Variants in LRRC19 observed in about 807,000 individuals in gnomAD.
LRRC19 encodes leucine rich repeat containing 19.
A neutral mutation model predicts 33.3 loss-of-function variants in LRRC19; 33 were observed. The ratio of observed to expected loss-of-function variants is 0.99; its 90% CI spans 0.75 to 1.33. The LOEUF (loss-of-function observed/expected upper bound fraction) is 1.33. Among genes scored for constraint, LRRC19 ranks in the 40% most tolerant of loss-of-function variants. The pLI, the probability that LRRC19 is intolerant of heterozygous loss-of-function variation, is 0.00. For missense variants in LRRC19, 463 were observed against 417.3 expected (o/e 1.11, Z -0.95); for synonymous variants, 184 against 152.3 (o/e 1.21, Z -1.53).
At chr9:27,000,841 T>C (rs924652881) in intron 1 of LRRC19, among the ~76,000 whole-genome samples, 1 of 152,156 alleles carries the variant, frequency 6.6e-6, no homozygotes, top group Non-Finnish European at 1.5e-5. Context: ...AAAATAAAAG[T>C]TGAAGGAAAA....
At position 26,999,664 on chromosome 9, in the gene LRRC19, A is replaced by C. The variant is rs1587322164; in HGVS notation, c.31T>G (p.Trp11Gly). The C allele has an allele frequency of 1.9e-5, 30 of 1,610,368 alleles. No homozygotes were observed. In the East Asian group the frequency reaches 6.7e-4, roughly 36 times the overall value. The change falls in exon 2 of 5, where the codon TGG (tryptophan) becomes GGG (glycine). Residue 11 changes from tryptophan to glycine, a missense_variant. Transcript: ENST00000380055. ...GATAATAATATCATGGAGAGGGGCC[A>C]AAAGAGGATTGTGATGCCTGTGACT... is the stretch of plus-strand genomic sequence containing the variant. MKVTGITILF[W>G]PLSMILLSDK...
intron 2 of LRRC19, among the ~76,000 whole-genome samples, chr9:26,999,309 A>T (rs986543038): frequency 4.5e-4 from 68 of 152,160 alleles, no homozygotes; most frequent in African/African-American, 1.4e-3. Context: ...AGTTTCTCTC[A>T]TAAATATGTG....
intron 2 of LRRC19, 118 bp downstream of exon 2, chr9:26,999,496 C>T (rs1828357618): frequency 1.4e-6 from 1 of 704,330 alleles, no homozygotes. Context: ...GCTAAATAAA[C>T]TCTTAATTTT....
Position 26,998,142 on chromosome 9 carries a change from G to T in LRRC19, c.181C>A (p.Leu61Ile). The change falls in exon 3 of 5, where the codon CTT (leucine) becomes ATT (isoleucine). Residue 61 changes from leucine to isoleucine, a missense_variant. Coordinates refer to ENST00000380055, the MANE Select transcript of LRRC19 (RefSeq NM_022901.3). ...ILDLSYNQIT[L>I]NGTDTRVLQT... ...AGAACTCTTGTGTCTGTACCATTAA[G>T]AGTAATTTGGTTATAACTGAGATCA... 6.2e-7 allele frequency: 1 copy of T among 1,609,890 alleles called. No homozygotes were observed. The highest frequency in any genetic ancestry group is 1.1e-5 in the South Asian group (1 of 90,482).
chr9:26,997,580 T>G (rs1345048325), intron 3 of LRRC19, 148 bp downstream of exon 3: 41 of 785,774 alleles, frequency 5.2e-5, no homozygotes, highest in Non-Finnish European at 7.7e-5. Flanking sequence ...GTGATCCCCC[T>G]GCCTTGGCCT....
At chr9:26,997,611 G>C in intron 3 of LRRC19, 117 bp downstream of exon 3, 1 of 1,097,372 alleles carries the variant, frequency 9.1e-7, no homozygotes, top group Non-Finnish European at 1.3e-6. Context: ...TGGGATTACA[G>C]GCATGAGCCA....
At chr9:27,002,593 T>C (rs368699232) in intron 1 of LRRC19, among the ~76,000 whole-genome samples, 3 of 152,208 alleles carry the variant, frequency 2.0e-5, no homozygotes, top group East Asian at 3.8e-4. Context: ...GAAGATGAGT[T>C]GATGTAAATG....
In LRRC19 at chr9:26,996,515, G is replaced by C. The variant is rs1355614684; in HGVS notation, c.596-16C>G. The C allele has an allele frequency of 3.6e-6, 5 of 1,403,482 alleles. No individual in the cohort carries two copies. The highest frequency in any genetic ancestry group is 3.8e-5 in the South Asian group (2 of 52,704). 86.9% of individuals were successfully genotyped at this position (1,403,482 alleles called of 1,614,324 possible). A position where few individuals can be genotyped will look rare whatever the true frequency, so the allele number is the denominator to read the frequency against. ...TTCTCATTTTCTAGTAAATCAGAAA[G>C]AATAAGATTTAGTATAGAGAAAAAT... On this transcript the variant is annotated splice_polypyrimidine_tract_variant and intron_variant, in intron 3 of 4. Coordinates refer to ENST00000380055, the MANE Select transcript of LRRC19 (RefSeq NM_022901.3).
chr9:26,997,365 A>C (rs1587316159), intron 3 of LRRC19, among the ~76,000 whole-genome samples: 1 of 117,550 alleles, frequency 8.5e-6, no homozygotes, highest in Admixed American at 1.2e-4. Context: ...ACAGAGTCTC[A>C]CTCTGTTGCC....
rs752426840 is a variant in LRRC19 at position 26,996,470 on chromosome 9, G to T, written c.625C>A (p.Pro209Thr). 4 of 1,520,326 alleles carry T rather than the reference G, an allele frequency of 2.6e-6. No individual in the cohort carries two copies. Among genetic ancestry groups the T allele is most frequent in the Non-Finnish European group, 3.6e-6 (4 of 1,124,844 alleles). The allele number at this position is 1,520,326 out of a possible 1,614,324, so 94.2% of individuals were successfully genotyped here. The change falls in exon 4 of 5, where the codon CCC becomes ACC. Residue 209 changes from proline to threonine, a missense_variant. Coordinates refer to ENST00000380055, the MANE Select transcript of LRRC19 (RefSeq NM_022901.3). ...ENENITMCSY[P>T]NSLQSYNIKT... ...ATATTGTAGCTCTGCAGGCTGTTGG[G>T]GTAGCTACACATGGTGATGTTCTCA...
intron 1 of LRRC19, 142 bp downstream of exon 1, chr9:27,005,450 G>A (rs1340672378): frequency 7.4e-6 from 1 of 134,382 alleles, no homozygotes; most frequent in African/African-American, 2.8e-5. Context: ...GTATTTTTGA[G>A]GTAGACCATG....
chr9:27,000,593 A>G (rs1587324919), intron 1 of LRRC19, among the ~76,000 whole-genome samples: 1 of 152,336 alleles, frequency 6.6e-6, no homozygotes, highest in East Asian at 1.9e-4. Flanking sequence ...AAATTAATGT[A>G]CTTGGGATAT....
chr9:27,002,100 G>C (rs1446227942), intron 1 of LRRC19, among the ~76,000 whole-genome samples: 2 of 152,184 alleles, frequency 1.3e-5, no homozygotes, highest in East Asian at 3.8e-4. Flanking sequence ...GGAAGAAAGA[G>C]CAGAGGGAGG....
chr9:26,996,084 C>G (rs966669535), intron 4 of LRRC19, among the ~76,000 whole-genome samples: 1 of 152,092 alleles, frequency 6.6e-6, no homozygotes, highest in African/African-American at 2.4e-5. Context: ...AGATTTGTGA[C>G]TAGACTAGTT....
At chr9:27,001,364 T>A (rs139305535) in intron 1 of LRRC19, among the ~76,000 whole-genome samples, 1 of 152,002 alleles carries the variant, frequency 6.6e-6, no homozygotes, top group African/African-American at 2.4e-5. Context: ...GTTATATTTT[T>A]AGTTTTTTAA....
At chr9:26,996,209 T>A (rs1828147513) in intron 4 of LRRC19, 102 bp downstream of exon 4, 3 of 772,992 alleles carry the variant, frequency 3.9e-6, no homozygotes, top group Non-Finnish European at 5.6e-6. Flanking sequence ...ATGAGGAATC[T>A]TTCTTTTACA....
At chr9:27,003,205 G>GTT (rs11435056) in intron 1 of LRRC19, among the ~76,000 whole-genome samples, 4 of 147,668 alleles carry the variant, frequency 2.7e-5, no homozygotes, top group African/African-American at 5.0e-5. Context: ...TTTAGGGTTT[G>GTT]TTTTTTTTTT....
At chr9:26,995,986 T>G (rs1413229026) in intron 4 of LRRC19, 137 bp from the exon 5 acceptor site, 1 of 695,186 alleles carries the variant, frequency 1.4e-6, no homozygotes, top group Non-Finnish European at 2.2e-6. Context: ...AGATTTTGTT[T>G]GGTGGATGAA....
At chr9:26,995,983 G>C in intron 4 of LRRC19, 134 bp from the exon 5 acceptor site, 1 of 699,794 alleles carries the variant, frequency 1.4e-6, no homozygotes, top group Non-Finnish European at 2.2e-6. Context: ...TTTAGATTTT[G>C]TTTGGTGGAT....
Sources: allele counts gnomAD v4.1 joint callset (sites outside exome capture counted in the v4.1 genomes callset), GRCh38; gene constraint gnomAD v4.1.1; transcripts MANE v1.5; gene names NCBI Gene and HGNC (gene_info 2026-07-23, HGNC 2026-07-21).